Variants in RAI14 observed in about 807,000 individuals in gnomAD.
RAI14 encodes the protein ankycorbin.
A neutral mutation model predicts 115.4 loss-of-function variants in RAI14; 45 were observed. The observed-to-expected ratio is 0.39, with a 90% CI of 0.31 to 0.50. The LOEUF (loss-of-function observed/expected upper bound fraction) is 0.50. Among genes scored for constraint, RAI14 ranks in the 20% least tolerant of loss-of-function variants. RAI14 has a pLI of 0.85. For missense variants in RAI14, 939 were observed against 1,131.2 expected, an observed-to-expected ratio of 0.83 and a Z score of 2.44; for synonymous variants, 371 against 415.4, an observed-to-expected ratio of 0.89 and a Z score of 1.30.
intron 12 of RAI14, among the ~76,000 whole-genome samples, chr5:34,817,211 A>G (rs1383374318): frequency 7.1e-6 from 1 of 141,072 alleles, no homozygotes; most frequent in Admixed American, 7.9e-5. Context: ...TGGGAGGCAG[A>G]GGTTGCAGTG....
chr5:34,745,453 C>CT (rs1436222210), intron 2 of RAI14, among the ~76,000 whole-genome samples: 1 of 152,318 alleles, frequency 6.6e-6, no homozygotes, highest in Non-Finnish European at 1.5e-5. Context: ...TCTGGGAACT[C>CT]TAACATTCAC....
chr5:34,705,896 C>T (rs1740651041), intron 2 of RAI14, among the ~76,000 whole-genome samples: 1 of 152,236 alleles, frequency 6.6e-6, no homozygotes, highest in South Asian at 2.1e-4. Flanking sequence ...ATCTGCCCAC[C>T]TTGGCCTCCC....
intron 3 of RAI14, among the ~76,000 whole-genome samples, chr5:34,770,152 C>T (rs1441286285): frequency 1.3e-5 from 2 of 152,182 alleles, no homozygotes; most frequent in African/African-American, 2.4e-5. Flanking sequence ...CCCGACATTG[C>T]GCATGTCCAG....
intron 3 of RAI14, among the ~76,000 whole-genome samples, chr5:34,780,769 G>A (rs1012070959): frequency 6.6e-6 from 1 of 152,178 alleles, no homozygotes; most frequent in African/African-American, 2.4e-5. Flanking sequence ...TACACTGTTG[G>A]TGGGACTGTA....
At position 34,762,971 on chromosome 5, in the gene RAI14, GTGTGTA is replaced by G. The variant is rs1265393547; in HGVS notation, c.167+5379_167+5384del. ...TGTGTGTGTGTGTGTGTGTGTGTGT[GTGTGTA>G]TGTGTCTGTATCATTTTATGTTGCC... On this transcript the variant is annotated intron_variant, in intron 3 of 17. Coordinates refer to ENST00000265109, the MANE Select transcript of RAI14 (RefSeq NM_015577.3). Among the ~76,000 whole-genome samples, 119 of 131,348 alleles carry G rather than the reference GTGTGTA, an allele frequency of 9.1e-4. 1 individual carries two copies. Among genetic ancestry groups the G allele is most frequent in the African/African-American group, 4.2e-3 (109 of 25,980 alleles). The allele number at this position is 131,348 out of a possible 152,430, so 86.2% of individuals were successfully genotyped here.
At chr5:34,735,331 A>G (rs901508382) in intron 2 of RAI14, among the ~76,000 whole-genome samples, 1 of 152,240 alleles carries the variant, frequency 6.6e-6, no homozygotes, top group African/African-American at 2.4e-5. Context: ...TTGTAAAGAA[A>G]TTATACTATC....
chr5:34,728,185 C>G (rs900902520), intron 2 of RAI14, among the ~76,000 whole-genome samples: 1 of 152,206 alleles, frequency 6.6e-6, no homozygotes, highest in Non-Finnish European at 1.5e-5. Context: ...TCTGTACCCC[C>G]ACTGTATCTA....
intron 4 of RAI14, among the ~76,000 whole-genome samples, chr5:34,797,801 T>C (rs1753717082): frequency 6.6e-6 from 1 of 152,206 alleles, no homozygotes; most frequent in Non-Finnish European, 1.5e-5. Context: ...TTTGCTAAAA[T>C]ACCCCTAATG....
chr5:34,814,781 A>C, intron 12 of RAI14, 112 bp downstream of exon 12: 8 of 879,408 alleles, frequency 9.1e-6, no homozygotes, highest in Non-Finnish European at 1.3e-5. Context: ...TCATTGGTTC[A>C]CAACCTTTTC....
At chr5:34,714,721 G>A (rs890270208) in intron 2 of RAI14, among the ~76,000 whole-genome samples, 7 of 152,112 alleles carry the variant, frequency 4.6e-5, no homozygotes, top group Non-Finnish European at 7.4e-5. Context: ...TTGTCAAAAA[G>A]TTTTAGCCCC....
chr5:34,766,711 G>T (rs1344122402), intron 3 of RAI14, among the ~76,000 whole-genome samples: 1 of 152,102 alleles, frequency 6.6e-6, no homozygotes, highest in Non-Finnish European at 1.5e-5. Flanking sequence ...GGAACTGTTG[G>T]GAAGGCATGA....
At chr5:34,711,217 C>T (rs562992858) in intron 2 of RAI14, among the ~76,000 whole-genome samples, 73 of 152,180 alleles carry the variant, frequency 4.8e-4, no homozygotes, top group African/African-American at 1.6e-3. Flanking sequence ...GGGTTGAGTC[C>T]GAAAAGAGAC....
At position 34,714,981 on chromosome 5, in the gene RAI14, G is replaced by A. The variant is rs187834014; in HGVS notation, c.36+28026G>A. ...CTAGAGGAGGTCCAAATGCTGGTGGGATCTCAACCTCACCTGGTGTCCAGG... is the reference window on the plus strand; with the variant it reads ...CTAGAGGAGGTCCAAATGCTGGTGGAATCTCAACCTCACCTGGTGTCCAGG... On this transcript the variant is annotated intron_variant, in intron 2 of 17. Coordinates refer to ENST00000265109, the MANE Select transcript of RAI14 (RefSeq NM_015577.3). 1.7e-3 allele frequency among the ~76,000 whole-genome samples: 257 copies of A among 152,250 alleles called. 1 individual carries two copies. Among genetic ancestry groups the A allele is most frequent in the African/African-American group, 5.8e-3 (241 of 41,542 alleles).
At chr5:34,822,190 A>G (rs1188612173) in intron 14 of RAI14, among the ~76,000 whole-genome samples, 1 of 146,974 alleles carries the variant, frequency 6.8e-6, no homozygotes. Context: ...ATATAATTTT[A>G]TATTTTGATT....
At chr5:34,809,500 C>T (rs58233694) in intron 7 of RAI14, among the ~76,000 whole-genome samples, 3,451 of 152,042 alleles carry the variant, frequency 0.023, 139 homozygotes, top group African/African-American at 0.08. Context: ...GAAATAACTC[C>T]AAGAACAGTT....
chr5:34,818,876 T>TC, intron 13 of RAI14, 25 bp downstream of exon 13: 1 of 1,588,318 alleles, frequency 6.3e-7, no homozygotes, highest in Non-Finnish European at 8.6e-7. Context: ...CATCTGTTTT[T>TC]TTTTTTCCTT....
chr5:34,753,658 A>G (rs937517343), intron 2 of RAI14, among the ~76,000 whole-genome samples: 7 of 151,872 alleles, frequency 4.6e-5, no homozygotes, highest in South Asian at 2.1e-4. Context: ...AGTCACACCT[A>G]TAATCCCAGC....
intron 2 of RAI14, among the ~76,000 whole-genome samples, chr5:34,720,292 A>G (rs1742507176): frequency 6.6e-6 from 1 of 152,168 alleles, no homozygotes; most frequent in South Asian, 2.1e-4. Flanking sequence ...GTAAACCAAA[A>G]ATTTAAGGGA....
chr5:34,789,797 A>C (rs935627425), intron 3 of RAI14, among the ~76,000 whole-genome samples: 1 of 152,202 alleles, frequency 6.6e-6, no homozygotes, highest in African/African-American at 2.4e-5. Context: ...GCTTTTACAC[A>C]TAATTCTTGT....
Sources: gnomAD v4.1 joint callset for allele counts (sites outside exome capture counted in the v4.1 genomes callset) on GRCh38, gnomAD v4.1.1 for gene constraint, MANE v1.5 for transcripts, NCBI Gene and HGNC (gene_info 2026-07-23, HGNC 2026-07-21) for gene names.